The following SPIDR variants were observed in gnomAD, a reference collection of about 807,000 sequenced individuals.
SPIDR encodes scaffold protein involved in DNA repair.
SPIDR carries 93 observed loss-of-function variants against 104.6 expected under a neutral mutation model. That is an observed-to-expected ratio of 0.89 (90% confidence interval 0.75 to 1.06). SPIDR has a LOEUF of 1.06. Ranked by LOEUF, SPIDR falls within the 50% of genes least tolerant of loss-of-function variation. The probability of loss-of-function intolerance (pLI) is 0.00; values close to 1 mark genes in which losing one functional copy is unlikely to be tolerated. For missense variants in SPIDR, 1,154 were observed against 1,111.2 expected (o/e 1.04, Z -0.55); for synonymous variants, 431 against 416.9 (o/e 1.03, Z -0.41).
chr8:47,354,763 T>C (rs1203638844), intron 5 of SPIDR, among the ~76,000 whole-genome samples: 2 of 152,108 alleles, frequency 1.3e-5, no homozygotes, highest in African/African-American at 2.4e-5. Flanking sequence ...TGCCTCAGCC[T>C]CTTGAGTAGC....
intron 1 of SPIDR, among the ~76,000 whole-genome samples, chr8:47,278,900 T>A (rs1410888820): frequency 1.3e-5 from 2 of 152,222 alleles, no homozygotes; most frequent in Non-Finnish European, 2.9e-5. Flanking sequence ...ATTTTTCTTT[T>A]TTTAAGGACG....
At chr8:47,464,112 A>G (rs1004140461) in intron 8 of SPIDR, among the ~76,000 whole-genome samples, 27 of 95,196 alleles carry the variant, frequency 2.8e-4, no homozygotes, top group African/African-American at 1.1e-3. Context: ...CCTAAAGATT[A>G]TACACACACA....
intron 8 of SPIDR, among the ~76,000 whole-genome samples, chr8:47,458,512 G>A (rs1256411682): frequency 1.3e-5 from 2 of 151,604 alleles, no homozygotes; most frequent in Non-Finnish European, 2.9e-5. Context: ...TGCTGAATTC[G>A]TTTATCCATT....
At chr8:47,300,078 T>C (rs1400738334) in intron 5 of SPIDR, among the ~76,000 whole-genome samples, 2 of 152,224 alleles carry the variant, frequency 1.3e-5, no homozygotes, top group Non-Finnish European at 2.9e-5. Flanking sequence ...ATCCGTCTGG[T>C]CCTGGACTTT....
intron 3 of SPIDR, among the ~76,000 whole-genome samples, chr8:47,287,708 T>C (rs2039129618): frequency 6.6e-6 from 1 of 152,186 alleles, no homozygotes. Context: ...CATCAGACCT[T>C]ATGGTTGTTT....
intron 8 of SPIDR, among the ~76,000 whole-genome samples, chr8:47,469,540 TA>T (rs1226959932): frequency 2.6e-4 from 37 of 144,698 alleles, no homozygotes; most frequent in Non-Finnish European, 2.3e-4. Flanking sequence ...CATGCAGCCA[TA>T]AAAAAAAAAA....
chr8:47,330,004 A>G (rs540516157), intron 5 of SPIDR, among the ~76,000 whole-genome samples: 24 of 152,230 alleles, frequency 1.6e-4, no homozygotes, highest in Non-Finnish European at 2.8e-4. Flanking sequence ...AGTTTTAATT[A>G]GATAATTACT....
intron 8 of SPIDR, among the ~76,000 whole-genome samples, chr8:47,503,618 C>T (rs2080945849): frequency 1.3e-5 from 2 of 152,138 alleles, no homozygotes; most frequent in Admixed American, 6.5e-5. Flanking sequence ...TTAATTGGCG[C>T]ATTTAGCCCA....
At chr8:47,668,899 G>A (rs1015831869) in intron 10 of SPIDR, among the ~76,000 whole-genome samples, 1 of 151,934 alleles carries the variant, frequency 6.6e-6, no homozygotes, top group African/African-American at 2.4e-5. Context: ...ATGTACAAGA[G>A]CTATATGGAG....
At chr8:47,386,530 G>A (rs2059926218) in intron 5 of SPIDR, among the ~76,000 whole-genome samples, 1 of 152,126 alleles carries the variant, frequency 6.6e-6, no homozygotes, top group Non-Finnish European at 1.5e-5. Context: ...AGTGGAGTCA[G>A]GAGTGGTAGG....
chr8:47,596,235 A>G (rs965317008), intron 9 of SPIDR, among the ~76,000 whole-genome samples: 1 of 152,200 alleles, frequency 6.6e-6, no homozygotes, highest in Non-Finnish European at 1.5e-5. Context: ...ATGTGTCTTT[A>G]ATCTTTATTC....
intron 8 of SPIDR, among the ~76,000 whole-genome samples, 154 bp from the exon 9 acceptor site, chr8:47,595,656 GC>G (rs2061558181): frequency 6.6e-6 from 1 of 152,206 alleles, no homozygotes; most frequent in African/African-American, 2.4e-5. Flanking sequence ...TGGTGGCCAT[GC>G]TGGAGCATGA....
At chr8:47,383,576 G>A (rs1225111125) in intron 5 of SPIDR, among the ~76,000 whole-genome samples, 2 of 152,164 alleles carry the variant, frequency 1.3e-5, no homozygotes, top group South Asian at 2.1e-4. Context: ...AGACTCCAGT[G>A]TCTCAAAGCC....
At chr8:47,403,453 A>G (rs1043536084) in intron 6 of SPIDR, among the ~76,000 whole-genome samples, 1 of 152,174 alleles carries the variant, frequency 6.6e-6, no homozygotes, top group Admixed American at 6.5e-5. Context: ...CATTTAGAAA[A>G]CCCCATCGTC....
Position 47,735,902 on chromosome 8 carries a change from T to C in SPIDR, c.*452T>C. ...GATATTACTGTTCTGCTACAATAAATGTCAAACCTAAGCACTTTGCAGTTC... is the reference window on the plus strand; with the variant it reads ...GATATTACTGTTCTGCTACAATAAACGTCAAACCTAAGCACTTTGCAGTTC... On this transcript the variant is annotated 3_prime_UTR_variant, in exon 20 of 20. Coordinates refer to ENST00000297423, the MANE Select transcript of SPIDR (RefSeq NM_001080394.4). The C allele has an allele frequency of 3.8e-6, 1 of 261,704 alleles. No individual in the cohort carries two copies. The highest frequency in any genetic ancestry group is 7.5e-6 in the Non-Finnish European group (1 of 133,556). The allele number at this position is 261,704 out of a possible 1,614,324, so 16.2% of individuals were successfully genotyped here.
At chr8:47,300,977 G>A (rs1475595419) in intron 5 of SPIDR, among the ~76,000 whole-genome samples, 1 of 152,186 alleles carries the variant, frequency 6.6e-6, no homozygotes, top group East Asian at 1.9e-4. Context: ...TTGGTCCAGA[G>A]CTGAGTTCAG....
At chr8:47,370,098 G>T (rs1007665917) in intron 5 of SPIDR, among the ~76,000 whole-genome samples, 6 of 151,846 alleles carry the variant, frequency 4.0e-5, no homozygotes, top group Admixed American at 1.3e-4. Flanking sequence ...GAAAAAGATG[G>T]TCTTGTAGGC....
chr8:47,504,085 A>G (rs539781850), intron 8 of SPIDR, among the ~76,000 whole-genome samples: 1 of 151,828 alleles, frequency 6.6e-6, no homozygotes, highest in East Asian at 1.9e-4. Context: ...CTCCATTTCA[A>G]CCTTGGTGAA....
At chr8:47,629,909 A>G (rs1221643519) in intron 10 of SPIDR, among the ~76,000 whole-genome samples, 1 of 152,246 alleles carries the variant, frequency 6.6e-6, no homozygotes, top group Non-Finnish European at 1.5e-5. Flanking sequence ...ATTTTCAGCC[A>G]CTTTTTTACT....
Sources: gnomAD v4.1 joint callset for allele counts (sites outside exome capture counted in the v4.1 genomes callset) on GRCh38, gnomAD v4.1.1 for gene constraint, MANE v1.5 for transcripts, NCBI Gene and HGNC (gene_info 2026-07-23, HGNC 2026-07-21) for gene names.